CELF2: variants seen among roughly 807,000 people sequenced by gnomAD.
CELF2 encodes the protein CUGBP Elav-like family member 2, also known as CUG triplet repeat RNA-binding protein 2.
Under a neutral mutation model 62.6 loss-of-function variants are expected in CELF2, and 8 were observed. That is an observed-to-expected ratio of 0.13 (90% confidence interval 0.07 to 0.23). The LOEUF is 0.23. Among genes scored for constraint, CELF2 ranks in the 10% least tolerant of loss-of-function variants. The pLI, the probability that CELF2 is intolerant of heterozygous loss-of-function variation, is 1.00. For missense variants in CELF2, 333 were observed against 671.0 expected, an observed-to-expected ratio of 0.50 and a Z score of 5.56; for synonymous variants, 258 against 250.0, an observed-to-expected ratio of 1.03 and a Z score of -0.30.
At chr10:10,528,186 T>C in the CELF2 span, among the ~76,000 whole-genome samples, 1 of 151,902 alleles carries the variant, frequency 6.6e-6, no homozygotes, top group Non-Finnish European at 1.5e-5. Context: ...TGTGTGATTG[T>C]CATAAAGTTA....
the CELF2 span, among the ~76,000 whole-genome samples, chr10:10,475,232 G>T: frequency 6.6e-6 from 1 of 151,796 alleles, no homozygotes; most frequent in Non-Finnish European, 1.5e-5. Flanking sequence ...TTACATCCTC[G>T]CTCAAAATGA....
chr10:10,554,555 T>A, the CELF2 span, among the ~76,000 whole-genome samples: 4 of 152,202 alleles, frequency 2.6e-5, no homozygotes, highest in Admixed American at 6.5e-5. Context: ...GCAGCAGCTC[T>A]GTCCTCTGTG....
At chr10:10,636,422 G>T in the CELF2 span, among the ~76,000 whole-genome samples, 4 of 152,130 alleles carry the variant, frequency 2.6e-5, no homozygotes, top group Non-Finnish European at 5.9e-5. Flanking sequence ...CTGGAGTTCA[G>T]CAATAAAATC....
chr10:11,236,922 A>G (rs1229700546), intron 3 of CELF2, among the ~76,000 whole-genome samples: 69 of 152,224 alleles, frequency 4.5e-4, no homozygotes, highest in Admixed American at 4.5e-3. Flanking sequence ...AATGCGAAAT[A>G]GGCCTGAAAA....
the CELF2 span, among the ~76,000 whole-genome samples, chr10:10,589,708 G>A: frequency 4.3e-4 from 65 of 152,266 alleles, no homozygotes; most frequent in African/African-American, 1.5e-3. Context: ...AAGAAAAGAC[G>A]TGAGTCACTG....
intron 1 of CELF2, among the ~76,000 whole-genome samples, chr10:10,868,577 A>G (rs2060528644): frequency 6.6e-6 from 1 of 152,202 alleles, no homozygotes; most frequent in South Asian, 2.1e-4. Flanking sequence ...GGGGAGCAGA[A>G]AGGTCACATG....
chr10:11,127,413 A>G (rs1220322624), intron 1 of CELF2, among the ~76,000 whole-genome samples: 3 of 152,316 alleles, frequency 2.0e-5, no homozygotes, highest in South Asian at 4.1e-4. Flanking sequence ...ATACCCAGTA[A>G]TGGGATCACT....
At chr10:10,916,036 T>A (rs748453851) in intron 1 of CELF2, among the ~76,000 whole-genome samples, 3 of 152,240 alleles carry the variant, frequency 2.0e-5, no homozygotes, top group Non-Finnish European at 4.4e-5. Context: ...TCACCTGCTT[T>A]AAATCACCTC....
rs1184658156 is a variant in CELF2, at chr10:10,908,242, CAG to C, written c.54-11719_54-11718del. Among the ~76,000 whole-genome samples the C allele has an allele frequency of 1.2e-3, 7 of 6,072 alleles. No individual in the cohort carries two copies. In the East Asian group the frequency reaches 0.012, roughly 10 times the overall value. 4.0% of individuals were successfully genotyped at this position (6,072 alleles called of 152,430 possible). On this transcript the variant is annotated intron_variant, in intron 1 of 13. Transcript: ENST00000636488. Reference sequence around the variant, plus strand: ...TTTTTTTTTTTTTTTTTTTTTGAAACAGAGTCTTGCTCTGTCGCCGAGGCTGG... The same window carrying C: ...TTTTTTTTTTTTTTTTTTTTTGAAACAGTCTTGCTCTGTCGCCGAGGCTGG...
chr10:11,189,570 T>C (rs2075821503), intron 2 of CELF2, among the ~76,000 whole-genome samples: 2 of 152,218 alleles, frequency 1.3e-5, no homozygotes, highest in South Asian at 4.1e-4. Flanking sequence ...TTTGCTACTC[T>C]TTACGGTGAA....
At chr10:11,233,139 T>C (rs2069484727) in intron 3 of CELF2, among the ~76,000 whole-genome samples, 1 of 152,164 alleles carries the variant, frequency 6.6e-6, no homozygotes, top group South Asian at 2.1e-4. Context: ...ACACCAGCTG[T>C]TCAGGCCCAA....
chr10:10,919,939 TATC>T, intron 1 of CELF2: 2 of 1,226,780 alleles, frequency 1.6e-6, no homozygotes, highest in Non-Finnish European at 2.0e-6. Context: ...TAATCATACT[TATC>T]TTCTTTTTCT....
chr10:10,830,789 A>G (rs1251330626), intron 1 of CELF2, among the ~76,000 whole-genome samples: 1 of 152,224 alleles, frequency 6.6e-6, no homozygotes, highest in Non-Finnish European at 1.5e-5. Flanking sequence ...ACACAACTGC[A>G]TACTTCCTGT....
At chr10:11,263,577 G>T (rs2081340642) in intron 5 of CELF2, among the ~76,000 whole-genome samples, 1 of 152,194 alleles carries the variant, frequency 6.6e-6, no homozygotes. Context: ...TAAAGACCCA[G>T]TGAACACCAC....
At position 11,031,827 on chromosome 10, in the gene CELF2, C is replaced by T. The variant is rs534233965; in HGVS notation, c.74+13664C>T. ...GGCCCAATACCATGGCTCTCAACTA[C>T]GTGATACTAACTCCATTCTCTGATG... On this transcript the variant is annotated intron_variant, in intron 1 of 12. Transcript: ENST00000633077. Among the ~76,000 whole-genome samples the T allele has an allele frequency of 2.3e-3, 353 of 152,254 alleles. 1 individual carries two copies. The highest frequency in any genetic ancestry group is 3.7e-3 in the Non-Finnish European group (250 of 68,018).
intron 1 of CELF2, among the ~76,000 whole-genome samples, chr10:10,841,211 T>C (rs1224713546): frequency 6.6e-6 from 1 of 152,184 alleles, no homozygotes; most frequent in Non-Finnish European, 1.5e-5. Context: ...TATCCAGTAA[T>C]GGGATTGCTG....
At chr10:10,634,082 A>G in the CELF2 span, among the ~76,000 whole-genome samples, 3 of 152,190 alleles carry the variant, frequency 2.0e-5, no homozygotes, top group East Asian at 3.9e-4. Context: ...TTTACTATAT[A>G]TGCTCTAGAA....
Position 11,157,641 on chromosome 10 carries a change from C to T in CELF2, c.75-7845C>T, listed in dbSNP as rs918778495. ...TAAATGACCTATTTTTCAGCTCTCT[C>T]ACCTTCAAACCTACCACTGTGCCTG... On this transcript the variant is annotated intron_variant, in intron 1 of 12. Transcript: ENST00000633077. This position sits in a 1 kb window ranked among gnomAD's most constrained non-coding sequence, Gnocchi z 4.9. Among the ~76,000 whole-genome samples, 1 of 152,192 alleles carries T rather than the reference C, an allele frequency of 6.6e-6. No individual in the cohort carries two copies.
the CELF2 span, among the ~76,000 whole-genome samples, chr10:10,536,208 TG>T: frequency 3.2e-4 from 48 of 152,024 alleles, no homozygotes; most frequent in Non-Finnish European, 5.9e-4. Context: ...TTAGTAGAGA[TG>T]GGGTTTCATC....
Sources: allele counts gnomAD v4.1 joint callset (sites outside exome capture counted in the v4.1 genomes callset), GRCh38; gene constraint gnomAD v4.1.1; non-coding constraint Gnocchi (gnomAD v3.1); transcripts MANE v1.5; gene names NCBI Gene and HGNC (gene_info 2026-07-23, HGNC 2026-07-21).